Variants in ZNF714 observed in about 807,000 individuals in gnomAD.
ZNF714 encodes the protein zinc finger protein 714.
In ZNF714, 32 loss-of-function variants were observed where a neutral mutation model predicts 46.2. The ratio of observed to expected loss-of-function variants is 0.69; its 90% CI spans 0.52 to 0.93. The LOEUF (loss-of-function observed/expected upper bound fraction) is 0.93, where lower values mean the gene tolerates loss of function less well. Among genes scored for constraint, ZNF714 ranks in the 40% least tolerant of loss-of-function variants. The probability of loss-of-function intolerance (pLI) is 0.00; values close to 1 mark genes in which losing one functional copy is unlikely to be tolerated. For missense variants in ZNF714, 635 were observed against 646.3 expected (o/e 0.98, Z 0.19); for synonymous variants, 199 against 213.1 (o/e 0.93, Z 0.58).
chr19:21,090,872 C>T (rs867578427), intron 2 of ZNF714: 1,087 of 52,014 alleles, frequency 0.021, 33 homozygotes, highest in South Asian at 0.028. Context: ...TATGCCTCTC[C>T]TTTTTTTTTT....
rs1599558569 is a variant in ZNF714 at position 21,121,470 on chromosome 19, T to C, written c.*3138T>C. ...AAAATTCATTTCTAAACTATTAATATTTTTTCCAAATTGTTATATATTTTT... is the reference window on the plus strand; with the variant it reads ...AAAATTCATTTCTAAACTATTAATACTTTTTCCAAATTGTTATATATTTTT... On this transcript the variant is annotated 3_prime_UTR_variant, in exon 5 of 5. Coordinates refer to ENST00000456283, the MANE Select transcript of ZNF714 (RefSeq NM_182515.4). 6.6e-6 allele frequency: 1 copy of C among 152,336 alleles called. No homozygotes were observed. The highest frequency in any genetic ancestry group is 2.1e-4 in the South Asian group (1 of 4,832). The allele number at this position is 152,336 out of a possible 1,614,324, so 9.4% of individuals were successfully genotyped here. A position where few individuals can be genotyped will look rare whatever the true frequency, so the allele number is the denominator to read the frequency against.
At chr19:21,103,895 A>G (rs73537715) in intron 4 of ZNF714, among the ~76,000 whole-genome samples, 5,966 of 152,204 alleles carry the variant, frequency 0.039, 385 homozygotes, top group African/African-American at 0.14. Context: ...CCCTGTCTCA[A>G]AAAGAAGCTG....
At chr19:21,091,507 C>G (rs1968908427) in intron 2 of ZNF714, 1 of 152,132 alleles carries the variant, frequency 6.6e-6, no homozygotes, top group Non-Finnish European at 1.5e-5. Context: ...TTCAATACGC[C>G]TCTGACAGAA....
Position 21,120,393 on chromosome 19 carries a change from A to C in ZNF714, c.*2061A>C, listed in dbSNP as rs1969685725. On this transcript the variant is annotated 3_prime_UTR_variant, in exon 5 of 5. Transcript: ENST00000456283. ...TTATTTGTGATCTTTTCTATTGAAA[A>C]GTAAAAACATTAGAATGTAAGATGC... 6.6e-6 allele frequency: 1 copy of C among 152,204 alleles called. No homozygotes were observed. Among genetic ancestry groups the C allele is most frequent in the South Asian group, 2.1e-4 (1 of 4,836 alleles). The allele number at this position is 152,204 out of a possible 1,614,324, so 9.4% of individuals were successfully genotyped here.
At chr19:21,097,142 A>C (rs774967493) in intron 2 of ZNF714, among the ~76,000 whole-genome samples, 1 of 152,160 alleles carries the variant, frequency 6.6e-6, no homozygotes, top group Non-Finnish European at 1.5e-5. Flanking sequence ...CTGGGATTAC[A>C]GGTGTGAGCC....
intron 3 of ZNF714, 79 bp downstream of exon 3, chr19:21,098,390 A>T: frequency 1.3e-6 from 2 of 1,529,824 alleles, no homozygotes; most frequent in Non-Finnish European, 1.8e-6. Flanking sequence ...TTTCTTTGGT[A>T]ATTTATGCTT....
intron 2 of ZNF714, among the ~76,000 whole-genome samples, chr19:21,087,222 C>CAAAAAAA (rs57295093): frequency 1.1e-5 from 1 of 92,150 alleles, no homozygotes; most frequent in African/African-American, 4.3e-5. Context: ...GCAGTCTCAG[C>CAAAAAAA]AAAAAAAAAA....
At chr19:21,083,927 TCAGCTAAAGTGCCTAGTGAATA>T (rs1158928069) in intron 1 of ZNF714, 29 bp from the exon 2 acceptor site, 266 of 1,011,494 alleles carry the variant, frequency 2.6e-4, no homozygotes, top group Non-Finnish European at 3.4e-4. Flanking sequence ...CATGGTTATG[TCAGCTAAAGTGCCTAGTGAATA>T]TCAGCTTCTG....
intron 2 of ZNF714, among the ~76,000 whole-genome samples, chr19:21,085,389 T>C (rs1440555845): frequency 1.3e-5 from 2 of 152,202 alleles, no homozygotes. Context: ...GTTTACTACA[T>C]GATTTTTAAT....
At chr19:21,082,500 A>C (rs935343112) in intron 1 of ZNF714, among the ~76,000 whole-genome samples, 152 bp downstream of exon 1, 2 of 151,686 alleles carry the variant, frequency 1.3e-5, no homozygotes, top group African/African-American at 4.9e-5. Context: ...AGTCCCCTTC[A>C]GCCATAAGAT....
rs1173384995 is a variant in ZNF714 at position 21,123,912 on chromosome 19, C to A, written c.*5580C>A. 1 of 151,970 alleles carries A rather than the reference C, an allele frequency of 6.6e-6. No homozygotes were observed. Among genetic ancestry groups the A allele is most frequent in the African/African-American group, 2.4e-5 (1 of 41,368 alleles). The allele number at this position is 151,970 out of a possible 1,614,324, so 9.4% of individuals were successfully genotyped here. ...CTGTAGCCAACTCCTGGGTCATTTTCTCTGAAAAACATTTGGAGATCATGA... is the reference window on the plus strand; with the variant it reads ...CTGTAGCCAACTCCTGGGTCATTTTATCTGAAAAACATTTGGAGATCATGA... On this transcript the variant is annotated 3_prime_UTR_variant, in exon 5 of 5. Transcript: ENST00000456283.
At chr19:21,084,632 G>A (rs1275165684) in intron 2 of ZNF714, among the ~76,000 whole-genome samples, 1 of 150,708 alleles carries the variant, frequency 6.6e-6, no homozygotes, top group Non-Finnish European at 1.5e-5. Flanking sequence ...GAAGAGATTT[G>A]TTCACTTATT....
At chr19:21,088,102 G>T (rs140155718) in intron 2 of ZNF714, among the ~76,000 whole-genome samples, 3 of 152,150 alleles carry the variant, frequency 2.0e-5, no homozygotes, top group Non-Finnish European at 4.4e-5. Context: ...TTACCTAGCC[G>T]TAAAGCAGGC....
At chr19:21,108,566 C>T (rs937428677) in intron 4 of ZNF714, among the ~76,000 whole-genome samples, 2 of 152,190 alleles carry the variant, frequency 1.3e-5, no homozygotes, top group East Asian at 3.9e-4. Flanking sequence ...CTTCACCTCA[C>T]GCTTGCCGTC....
chr19:21,092,103 C>T (rs10404877), intron 2 of ZNF714, among the ~76,000 whole-genome samples: 8,680 of 152,218 alleles, frequency 0.057, 812 homozygotes, highest in African/African-American at 0.2. Flanking sequence ...CTCTGCTCTC[C>T]TGTACACAGG....
intron 4 of ZNF714, among the ~76,000 whole-genome samples, chr19:21,105,548 G>A (rs181495550): frequency 2.1e-3 from 325 of 151,956 alleles, no homozygotes; most frequent in African/African-American, 6.7e-3. Context: ...ATTTAATGTC[G>A]TATCTTAGGA....
In ZNF714 at chr19:21,082,259, T is replaced by A; in HGVS notation, c.-266T>A. The stretch of plus-strand genomic sequence containing the variant: ...GCCTTCACTGCCCTGTGTCCTCTGC[T>A]CGCAGAGGCCCAGCCTCTGTGGCCC... On this transcript the variant is annotated 5_prime_UTR_variant, in exon 1 of 5. Coordinates refer to ENST00000456283, the MANE Select transcript of ZNF714 (RefSeq NM_182515.4). 1.5e-6 allele frequency: 2 copies of A among 1,347,616 alleles called. No individual in the cohort carries two copies. Among genetic ancestry groups the A allele is most frequent in the Non-Finnish European group, 1.0e-6 (1 of 987,592 alleles). 83.5% of individuals were successfully genotyped at this position (1,347,616 alleles called of 1,614,324 possible). A position where few individuals can be genotyped will look rare whatever the true frequency, so the allele number is the denominator to read the frequency against.
intron 2 of ZNF714, among the ~76,000 whole-genome samples, chr19:21,088,194 T>G (rs1968828045): frequency 6.6e-6 from 1 of 152,212 alleles, no homozygotes; most frequent in East Asian, 1.9e-4. Context: ...CAACATTTCT[T>G]GCATAAATTT....
intron 2 of ZNF714, among the ~76,000 whole-genome samples, chr19:21,086,860 T>C (rs986497311): frequency 2.0e-5 from 3 of 152,204 alleles, no homozygotes; most frequent in Non-Finnish European, 2.9e-5. Flanking sequence ...ATTCATTTTC[T>C]GTAACTACTT....
Sources: allele counts gnomAD v4.1 joint callset (sites outside exome capture counted in the v4.1 genomes callset), GRCh38; gene constraint gnomAD v4.1.1; transcripts MANE v1.5; gene names NCBI Gene and HGNC (gene_info 2026-07-23, HGNC 2026-07-21).